CDIN1: variants seen among roughly 807,000 people sequenced by gnomAD.
CDIN1 encodes CDAN1-interacting nuclease 1.
A neutral mutation model predicts 45.3 loss-of-function variants in CDIN1; 33 were observed. The observed-to-expected ratio is 0.73, with a 90% CI of 0.55 to 0.97. CDIN1 has a LOEUF of 0.97. Among genes scored for constraint, CDIN1 ranks in the 50% least tolerant of loss-of-function variants. CDIN1 has a pLI of 0.00. For synonymous variants in CDIN1, 118 were observed against 124.4 expected (o/e 0.95, Z 0.34); for missense variants, 303 against 339.4 (o/e 0.89, Z 0.84).
chr15:36,805,103 T>G (rs966887659), intron 10 of CDIN1, among the ~76,000 whole-genome samples: 1 of 152,212 alleles, frequency 6.6e-6, no homozygotes, highest in African/African-American at 2.4e-5. Context: ...TTGTTGTTTT[T>G]GCTAATTTGG....
At chr15:36,796,597 C>T (rs1350664451) in intron 10 of CDIN1, among the ~76,000 whole-genome samples, 2 of 152,224 alleles carry the variant, frequency 1.3e-5, no homozygotes, top group Admixed American at 6.5e-5. Flanking sequence ...AGTCCCCTAC[C>T]AGGCATCTGT....
At chr15:36,746,637 C>T (rs1016458019) in intron 10 of CDIN1, among the ~76,000 whole-genome samples, 1 of 141,492 alleles carries the variant, frequency 7.1e-6, no homozygotes, top group Non-Finnish European at 1.5e-5. Context: ...ATATCATACA[C>T]GTATATGCAT....
chr15:36,680,666 G>A (rs1470860190), intron 5 of CDIN1, among the ~76,000 whole-genome samples: 3 of 152,064 alleles, frequency 2.0e-5, no homozygotes, highest in Non-Finnish European at 2.9e-5. Flanking sequence ...ACTAAGAGCC[G>A]GAATTGAGCT....
At chr15:36,677,042 C>T (rs886288110) in intron 5 of CDIN1, among the ~76,000 whole-genome samples, 1 of 152,134 alleles carries the variant, frequency 6.6e-6, no homozygotes, top group Non-Finnish European at 1.5e-5. Context: ...CCTCAAGATC[C>T]ATTGTATCCT....
At chr15:36,690,615 TAAAG>T (rs1370834737) in intron 5 of CDIN1, among the ~76,000 whole-genome samples, 1 of 152,142 alleles carries the variant, frequency 6.6e-6, no homozygotes, top group East Asian at 1.9e-4. Flanking sequence ...TAGAGCTTGA[TAAAG>T]AACATAATCT....
chr15:36,722,152 A>G (rs1460021542), intron 10 of CDIN1, among the ~76,000 whole-genome samples: 3 of 152,192 alleles, frequency 2.0e-5, no homozygotes, highest in Non-Finnish European at 2.9e-5. Flanking sequence ...ATTTTAACAC[A>G]TAGTTTAACA....
chr15:36,688,279 A>C (rs1397953375), intron 5 of CDIN1, among the ~76,000 whole-genome samples: 1 of 152,136 alleles, frequency 6.6e-6, no homozygotes, highest in African/African-American at 2.4e-5. Flanking sequence ...TATACAAATT[A>C]ATATGAGACT....
At position 36,743,341 on chromosome 15, in the gene CDIN1, G is replaced by C. The variant is rs554366759; in HGVS notation, c.716+33380G>C. The stretch of plus-strand genomic sequence containing the variant: ...AGTAGATAATCTTAGCAAAGTCATA[G>C]AGTAGGGTGCTTAGCCTAAACATAA... On this transcript the variant is annotated intron_variant, in intron 10 of 10. Coordinates refer to ENST00000566621, the MANE Select transcript of CDIN1 (RefSeq NM_001321759.2). Among the ~76,000 whole-genome samples the C allele has an allele frequency of 1.2e-4, 18 of 152,278 alleles. No individual in the cohort carries two copies. The South Asian group carries it at 3.7e-3, about 32-fold the overall frequency.
chr15:36,760,534 CT>C (rs1412971784), intron 10 of CDIN1, among the ~76,000 whole-genome samples: 2 of 152,182 alleles, frequency 1.3e-5, no homozygotes. Flanking sequence ...TAATTCATCT[CT>C]AAAGTTATTT....
chr15:36,613,940 T>C, intron 1 of CDIN1: 2 of 1,553,012 alleles, frequency 1.3e-6, no homozygotes, highest in African/African-American at 1.4e-5. Context: ...TGCCGAGAGA[T>C]GGATGAGCAG....
intron 10 of CDIN1, chr15:36,799,388 T>C (rs995236206): frequency 2.0e-5 from 3 of 152,180 alleles, no homozygotes; most frequent in Non-Finnish European, 4.4e-5. Flanking sequence ...ACCACAGCTA[T>C]TGTCCTGAAA....
In CDIN1 at chr15:36,582,804, C is replaced by G. The variant is rs77268928; in HGVS notation, c.101+2843C>G. 9.7e-3 allele frequency among the ~76,000 whole-genome samples: 1,477 copies of G among 152,300 alleles called. 17 individuals are homozygous for G. The highest frequency in any genetic ancestry group is 0.033 in the African/African-American group (1,388 of 41,562). On this transcript the variant is annotated intron_variant, in intron 1 of 10. Transcript: ENST00000566621. ...ACTAGCAGAGCGTGAGAGTCTCTGT[C>G]TCTGCAACTTTTCCAGTATTGAGAA...
At chr15:36,645,494 T>G (rs1027943105) in intron 3 of CDIN1, among the ~76,000 whole-genome samples, 5 of 143,384 alleles carry the variant, frequency 3.5e-5, no homozygotes, top group Non-Finnish European at 7.6e-5. Flanking sequence ...CTGTCTTGAC[T>G]TGTGTGTGTG....
chr15:36,614,000 A>G (rs1459277316), intron 1 of CDIN1: 21 of 1,438,084 alleles, frequency 1.5e-5, no homozygotes, highest in Non-Finnish European at 1.6e-5. Context: ...GCTGAAGAAA[A>G]CTACTCTCAA....
intron 10 of CDIN1, among the ~76,000 whole-genome samples, chr15:36,732,073 TGAAGG>T (rs2043851553): frequency 6.6e-6 from 1 of 152,186 alleles, no homozygotes; most frequent in Non-Finnish European, 1.5e-5. Flanking sequence ...GTAGACTTGC[TGAAGG>T]GCTTCATGGA....
chr15:36,690,749 A>C (rs2042219537), intron 5 of CDIN1, among the ~76,000 whole-genome samples: 1 of 152,108 alleles, frequency 6.6e-6, no homozygotes, highest in Admixed American at 6.6e-5. Context: ...CATTTTGCTA[A>C]ATTGTGGTGA....
At position 36,776,689 on chromosome 15, in the gene CDIN1, G is replaced by T. The variant is rs917852277; in HGVS notation, c.717-31635G>T. On this transcript the variant is annotated intron_variant, in intron 10 of 10. Coordinates refer to ENST00000566621, the MANE Select transcript of CDIN1 (RefSeq NM_001321759.2). ...TATAGGATCCTGGCCTAGAATGCAG[G>T]TTTAAAGGAGGAAAAGGCAGCAAAG... Among the ~76,000 whole-genome samples, 6 of 152,172 alleles carry T rather than the reference G, an allele frequency of 3.9e-5. No homozygotes were observed. The South Asian group carries it at 1.2e-3, about 31-fold the overall frequency.
At chr15:36,604,986 T>TA (rs1469823444) in intron 1 of CDIN1, among the ~76,000 whole-genome samples, 1 of 152,246 alleles carries the variant, frequency 6.6e-6, no homozygotes, top group South Asian at 2.1e-4. Context: ...TCTCTTTCAT[T>TA]AAAAAAGAAA....
At chr15:36,699,519 A>T (rs1406922452) in intron 8 of CDIN1, among the ~76,000 whole-genome samples, 1 of 152,096 alleles carries the variant, frequency 6.6e-6, no homozygotes, top group East Asian at 1.9e-4. Context: ...AGCTGAAGTA[A>T]AATCTCTCTC....
Sources: allele counts gnomAD v4.1 joint callset (sites outside exome capture counted in the v4.1 genomes callset), GRCh38; gene constraint gnomAD v4.1.1; transcripts MANE v1.5; gene names NCBI Gene and HGNC (gene_info 2026-07-23, HGNC 2026-07-21).